The following EFNA5 variants were observed in gnomAD, a reference collection of about 807,000 sequenced individuals.
EFNA5 encodes ephrin A5, also known as ephrin-A5.
Under a neutral mutation model 22.9 loss-of-function variants are expected in EFNA5, and 5 were observed. The ratio of observed to expected loss-of-function variants is 0.22; its 90% CI spans 0.11 to 0.46. The LOEUF (loss-of-function observed/expected upper bound fraction) is 0.46, where lower values mean the gene tolerates loss of function less well. Ranked by LOEUF, EFNA5 falls within the 20% of genes least tolerant of loss-of-function variation. The probability of loss-of-function intolerance (pLI) is 0.99; values close to 1 mark genes in which losing one functional copy is unlikely to be tolerated. For missense variants in EFNA5, 237 were observed against 293.3 expected (o/e 0.81, Z 1.40); for synonymous variants, 113 against 112.2 (o/e 1.01, Z -0.04).
At position 107,510,516 on chromosome 5, in the gene EFNA5, C is replaced by T. The variant is rs576167857; in HGVS notation, c.126-83007G>A. ...CTAGGGACTTGCACCAAACTCCTTG[C>T]GAGATCCAAGAACCCTCTCTTGGGG... On this transcript the variant is annotated intron_variant, in intron 1 of 4. Coordinates refer to ENST00000333274, the MANE Select transcript of EFNA5 (RefSeq NM_001962.3). 3.9e-5 allele frequency among the ~76,000 whole-genome samples: 6 copies of T among 152,284 alleles called. No homozygotes were observed. In the South Asian group the frequency reaches 8.3e-4, roughly 21 times the overall value.
chr5:107,466,804 A>C (rs1749998401), intron 1 of EFNA5, among the ~76,000 whole-genome samples: 1 of 152,162 alleles, frequency 6.6e-6, no homozygotes, highest in Non-Finnish European at 1.5e-5. Context: ...GGGCTCCAGA[A>C]GCATTGGCAT....
intron 2 of EFNA5, among the ~76,000 whole-genome samples, chr5:107,405,553 C>T (rs1580429309): frequency 6.6e-6 from 1 of 152,102 alleles, no homozygotes; most frequent in African/African-American, 2.4e-5. Context: ...CATGTGTTAA[C>T]ATTTTTCTAT....
At chr5:107,631,506 G>A (rs949645265) in intron 1 of EFNA5, among the ~76,000 whole-genome samples, 1 of 151,556 alleles carries the variant, frequency 6.6e-6, no homozygotes, top group African/African-American at 2.4e-5. Context: ...TAGTTTTTCT[G>A]GATACCAAAA....
At chr5:107,565,910 C>T (rs1748656401) in intron 1 of EFNA5, among the ~76,000 whole-genome samples, 1 of 152,182 alleles carries the variant, frequency 6.6e-6, no homozygotes. Flanking sequence ...TTTACTTTAG[C>T]TGCTGCTTCA....
At chr5:107,657,877 A>C (rs556602702) in intron 1 of EFNA5, among the ~76,000 whole-genome samples, 1 of 152,164 alleles carries the variant, frequency 6.6e-6, no homozygotes, top group South Asian at 2.1e-4. Flanking sequence ...AAAACAAAAA[A>C]CGCAGAGTAA....
intron 1 of EFNA5, among the ~76,000 whole-genome samples, chr5:107,515,362 T>TA (rs1554064400): frequency 2.1e-5 from 3 of 141,320 alleles, no homozygotes; most frequent in African/African-American, 7.9e-5. Flanking sequence ...TATTTTTTAT[T>TA]TTATTATTAT....
chr5:107,499,374 G>T (rs760834549), intron 1 of EFNA5, among the ~76,000 whole-genome samples: 1 of 152,158 alleles, frequency 6.6e-6, no homozygotes, highest in Non-Finnish European at 1.5e-5. Flanking sequence ...CTGGAATTCG[G>T]CAACTGTTGT....
intron 1 of EFNA5, among the ~76,000 whole-genome samples, chr5:107,528,107 A>G (rs1747735229): frequency 1.3e-5 from 2 of 152,220 alleles, no homozygotes; most frequent in African/African-American, 2.4e-5. Context: ...ATTGACAGGC[A>G]GTATAGCAGG....
Position 107,591,898 on chromosome 5 carries a change from TAATATATAATATAAAAAATA to T in EFNA5, c.125+78571_125+78590del, listed in dbSNP as rs1561442856. On this transcript the variant is annotated intron_variant, in intron 1 of 4. Coordinates refer to ENST00000333274, the MANE Select transcript of EFNA5 (RefSeq NM_001962.3). Reference sequence around the variant, plus strand: ...TAATATATAATATATATATTATATATAATATATAATATAAAAAATATATATATAATATATAATATATATAT... The same window carrying T: ...TAATATATAATATATATATTATATATTATATATAATATATAATATATATAT... 7.2e-3 allele frequency among the ~76,000 whole-genome samples: 97 copies of T among 13,456 alleles called. 25 individuals are homozygous for T. Among genetic ancestry groups the T allele is most frequent in the African/African-American group, 0.052 (96 of 1,832 alleles). The allele number at this position is 13,456 out of a possible 152,430, so 8.8% of individuals were successfully genotyped here. A position where few individuals can be genotyped will look rare whatever the true frequency, so the allele number is the denominator to read the frequency against.
chr5:107,457,204 A>G (rs962741135), intron 1 of EFNA5, among the ~76,000 whole-genome samples: 6 of 152,118 alleles, frequency 3.9e-5, no homozygotes, highest in African/African-American at 1.4e-4. Context: ...AACTCGCACA[A>G]TGTTTTTTGC....
intron 1 of EFNA5, among the ~76,000 whole-genome samples, chr5:107,563,501 A>G (rs961818100): frequency 4.6e-5 from 7 of 152,122 alleles, no homozygotes; most frequent in Non-Finnish European, 1.0e-4. Context: ...CTGAGGCTCT[A>G]TCATAGCTCA....
In EFNA5 at chr5:107,412,807, A is replaced by G. The variant is rs114078676; in HGVS notation, c.418+14410T>C. ...AGTGAACTGAATTAATACTTTTTGA[A>G]CTCAATTAATATATTTGGCCATATT... is the stretch of plus-strand genomic sequence containing the variant. On this transcript the variant is annotated intron_variant, in intron 2 of 4. Coordinates refer to ENST00000333274, the MANE Select transcript of EFNA5 (RefSeq NM_001962.3). Among the ~76,000 whole-genome samples, 292 of 152,274 alleles carry G rather than the reference A, an allele frequency of 1.9e-3. 2 individuals are homozygous for G. The highest frequency in any genetic ancestry group is 6.8e-3 in the African/African-American group (281 of 41,558).
In EFNA5 at chr5:107,514,903, C is replaced by A. The variant is rs558033988; in HGVS notation, c.126-87394G>T. On this transcript the variant is annotated intron_variant, in intron 1 of 4. Coordinates refer to ENST00000333274, the MANE Select transcript of EFNA5 (RefSeq NM_001962.3). ...CATGGGAGTCCTTGATAAGGCTTTT[C>A]TTTTTAATGAAAAACAGAAAAACAG... 2.6e-4 allele frequency among the ~76,000 whole-genome samples: 40 copies of A among 152,188 alleles called. 1 individual carries two copies. The highest frequency in any genetic ancestry group is 9.6e-4 in the African/African-American group (40 of 41,520).
intron 1 of EFNA5, among the ~76,000 whole-genome samples, chr5:107,604,010 G>T (rs1749658843): frequency 6.6e-6 from 1 of 152,242 alleles, no homozygotes; most frequent in East Asian, 1.9e-4. Flanking sequence ...AGGTAATTTT[G>T]TAAGGACTAA....
At chr5:107,625,466 T>A (rs1344085293) in intron 1 of EFNA5, among the ~76,000 whole-genome samples, 1 of 152,172 alleles carries the variant, frequency 6.6e-6, no homozygotes, top group Non-Finnish European at 1.5e-5. Context: ...CCATCACTAA[T>A]AACAATTTAT....
At position 107,419,632 on chromosome 5, in the gene EFNA5, G is replaced by A. The variant is rs578159930; in HGVS notation, c.418+7585C>T. Among the ~76,000 whole-genome samples, 74 of 152,102 alleles carry A rather than the reference G, an allele frequency of 4.9e-4. 1 individual carries two copies. The highest frequency in any genetic ancestry group is 3.4e-3 in the Middle Eastern group (1 of 294). On this transcript the variant is annotated intron_variant, in intron 2 of 4. Transcript: ENST00000333274. ...CCTTTAGAAAACGTTAAAATTTGTC[G>A]GTTTCCCAACACTGCCCTTCCACTC...
In EFNA5 at chr5:107,479,463, A is replaced by G. The variant is rs377314180; in HGVS notation, c.126-51954T>C. ...CTCAATAAATGAAAACACATTTAAA[A>G]AAAAAAAACAACCTAAATTATAGCT... On this transcript the variant is annotated intron_variant, in intron 1 of 4. Coordinates refer to ENST00000333274, the MANE Select transcript of EFNA5 (RefSeq NM_001962.3). Among the ~76,000 whole-genome samples, 8 of 152,146 alleles carry G rather than the reference A, an allele frequency of 5.3e-5. No individual in the cohort carries two copies. In the East Asian group the frequency reaches 9.6e-4, roughly 18 times the overall value.
At chr5:107,408,179 A>C (rs1167639886) in intron 2 of EFNA5, among the ~76,000 whole-genome samples, 1 of 152,044 alleles carries the variant, frequency 6.6e-6, no homozygotes, top group Non-Finnish European at 1.5e-5. Context: ...GCACACACAC[A>C]CACACACACC....
chr5:107,400,235 T>C (rs927392683), intron 2 of EFNA5, among the ~76,000 whole-genome samples: 1 of 151,940 alleles, frequency 6.6e-6, no homozygotes, highest in Non-Finnish European at 1.5e-5. Context: ...ATAAAACATA[T>C]AAGCTAATCT....
Sources: gnomAD v4.1 joint callset for allele counts (sites outside exome capture counted in the v4.1 genomes callset) on GRCh38, gnomAD v4.1.1 for gene constraint, MANE v1.5 for transcripts, NCBI Gene and HGNC (gene_info 2026-07-23, HGNC 2026-07-21) for gene names.